HYDIN: variants seen among roughly 807,000 people sequenced by gnomAD.
HYDIN encodes the protein HYDIN axonemal central pair apparatus protein, also known as axonemal central pair apparatus protein HYDIN.
HYDIN carries 132 observed loss-of-function variants against 403.9 expected under a neutral mutation model. The ratio of observed to expected loss-of-function variants is 0.33; its 90% CI spans 0.28 to 0.38. The LOEUF is 0.38. Ranked by LOEUF, HYDIN falls within the 10% of genes least tolerant of loss-of-function variation. The pLI, the probability that HYDIN is intolerant of heterozygous loss-of-function variation, is 1.00. For synonymous variants in HYDIN, 1,202 were observed against 1,891.7 expected (o/e 0.64, Z 9.46); for missense variants, 2,827 against 5,009.5 (o/e 0.56, Z 13.15).
chr16:70,829,454 G>A (rs1597060769), intron 81 of HYDIN, among the ~76,000 whole-genome samples, 164 bp downstream of exon 81: 2 of 151,890 alleles, frequency 1.3e-5, no homozygotes, highest in South Asian at 4.2e-4. Context: ...GGCTGGTCTT[G>A]AACTACTGAC....
At chr16:71,031,199 CA>C (rs376968331) in intron 19 of HYDIN, among the ~76,000 whole-genome samples, 2,016 of 25,166 alleles carry the variant, frequency 0.08, 11 homozygotes, top group African/African-American at 0.19. Flanking sequence ...GACTCCATCT[CA>C]AAAAAAAAAA....
chr16:70,809,235 T>C (rs1314391826), intron 85 of HYDIN, among the ~76,000 whole-genome samples: 2 of 152,342 alleles, frequency 1.3e-5, no homozygotes, highest in East Asian at 1.9e-4. Context: ...GTTTTAGTAG[T>C]TGAACCTATA....
At chr16:71,110,363 T>A (rs28623092) in intron 10 of HYDIN, among the ~76,000 whole-genome samples, 3 of 140,000 alleles carry the variant, frequency 2.1e-5, no homozygotes, top group Non-Finnish European at 3.0e-5. Context: ...TTATATATAT[T>A]TATATATAAA....
intron 57 of HYDIN, among the ~76,000 whole-genome samples, chr16:70,891,191 T>A (rs11075808): frequency 1.3e-5 from 2 of 152,190 alleles, no homozygotes; most frequent in Non-Finnish European, 2.9e-5. Context: ...AAAATTTTTT[T>A]ATTTTTTATT....
At chr16:71,084,787 C>CT (rs146903022) in intron 12 of HYDIN, among the ~76,000 whole-genome samples, 18 of 127,840 alleles carry the variant, frequency 1.4e-4, no homozygotes, top group African/African-American at 1.8e-4. Context: ...TAGTTTGTTA[C>CT]TTTTTTTTTT....
chr16:71,221,110 C>T (rs2089177368), intron 1 of HYDIN, among the ~76,000 whole-genome samples: 1 of 152,040 alleles, frequency 6.6e-6, no homozygotes, highest in Non-Finnish European at 1.5e-5. Flanking sequence ...ACCCAGGACC[C>T]ATCAAAGGTG....
At chr16:71,073,148 G>A in intron 13 of HYDIN, among the ~76,000 whole-genome samples, 2 of 152,230 alleles carry the variant, frequency 1.3e-5, no homozygotes, top group Non-Finnish European at 2.9e-5. Context: ...ACCCACAGTA[G>A]ATAGCTTCTG....
chr16:71,180,804 C>A (rs768036538), intron 3 of HYDIN, among the ~76,000 whole-genome samples: 2 of 151,956 alleles, frequency 1.3e-5, no homozygotes, highest in African/African-American at 2.4e-5. Context: ...TTCAAAAATT[C>A]AAAATAACCT....
At chr16:71,031,027 C>T (rs1166399227) in intron 19 of HYDIN, among the ~76,000 whole-genome samples, 5 of 150,354 alleles carry the variant, frequency 3.3e-5, no homozygotes, top group South Asian at 2.1e-4. Context: ...GGTGAAACCC[C>T]GTCTCTACTA....
intron 36 of HYDIN, among the ~76,000 whole-genome samples, chr16:70,968,935 G>T (rs1349526044): frequency 1.3e-5 from 2 of 151,816 alleles, no homozygotes; most frequent in Non-Finnish European, 2.9e-5. Context: ...GAAAGTCTTA[G>T]CAAAGAAACA....
chr16:70,988,925 A>G (rs1158974987), intron 25 of HYDIN, among the ~76,000 whole-genome samples: 1 of 151,728 alleles, frequency 6.6e-6, no homozygotes, highest in East Asian at 1.9e-4. Flanking sequence ...AAATAGAAAT[A>G]TCTGGGAGGT....
At chr16:70,949,980 T>G (rs980064161) in intron 41 of HYDIN, among the ~76,000 whole-genome samples, 1 of 151,928 alleles carries the variant, frequency 6.6e-6, no homozygotes, top group South Asian at 2.1e-4. Flanking sequence ...AACGTTTGGG[T>G]AAAGAACACT....
At chr16:70,932,391 C>T (rs1157277038) in intron 45 of HYDIN, among the ~76,000 whole-genome samples, 1 of 151,840 alleles carries the variant, frequency 6.6e-6, no homozygotes, top group Non-Finnish European at 1.5e-5. Flanking sequence ...AAAAACATAC[C>T]CACACATAAA....
intron 3 of HYDIN, among the ~76,000 whole-genome samples, chr16:71,179,975 G>A (rs1248371106): frequency 1.3e-5 from 2 of 152,050 alleles, no homozygotes; most frequent in Non-Finnish European, 2.9e-5. Context: ...ATCTTAATAA[G>A]TTAGAATAAA....
At chr16:71,065,185 C>T (rs1459358841) in intron 15 of HYDIN, among the ~76,000 whole-genome samples, 1 of 152,170 alleles carries the variant, frequency 6.6e-6, no homozygotes, top group African/African-American at 2.4e-5. Flanking sequence ...CAAACAGGGC[C>T]AATGCCACCA....
In HYDIN at chr16:71,110,485, AAT is replaced by A. The variant is rs1271779295; in HGVS notation, c.1327+5209_1327+5210del. 4.2e-5 allele frequency among the ~76,000 whole-genome samples: 6 copies of A among 143,016 alleles called. No homozygotes were observed. The East Asian group carries it at 1.2e-3, about 28-fold the overall frequency. The allele number at this position is 143,016 out of a possible 152,430, so 93.8% of individuals were successfully genotyped here. ...TATATAAACATATATAAATATATAT[AAT>A]ATATATATTTCATATATATATATCA... On this transcript the variant is annotated intron_variant, in intron 10 of 85. Coordinates refer to ENST00000393567, the MANE Select transcript of HYDIN (RefSeq NM_001270974.2).
chr16:70,834,884 G>A (rs2037271918), intron 78 of HYDIN, among the ~76,000 whole-genome samples: 1 of 148,402 alleles, frequency 6.7e-6, no homozygotes, highest in Admixed American at 6.7e-5. Context: ...ATGTGTGTGT[G>A]TGTGTGTATA....
intron 23 of HYDIN, among the ~76,000 whole-genome samples, chr16:70,994,828 T>C (rs1416166494): frequency 2.0e-5 from 3 of 148,442 alleles, no homozygotes; most frequent in Non-Finnish European, 4.4e-5. Flanking sequence ...TGAACACTTA[T>C]GAAATCACTC....
chr16:70,859,747 T>C (rs1255073752), intron 71 of HYDIN, among the ~76,000 whole-genome samples: 1 of 152,176 alleles, frequency 6.6e-6, no homozygotes, highest in Non-Finnish European at 1.5e-5. Context: ...CAAAGATAAC[T>C]TTTTATGCTA....
Sources: allele counts gnomAD v4.1 joint callset (sites outside exome capture counted in the v4.1 genomes callset), GRCh38; gene constraint gnomAD v4.1.1; transcripts MANE v1.5; gene names NCBI Gene and HGNC (gene_info 2026-07-23, HGNC 2026-07-21).